KPNA1: variants seen among roughly 807,000 people sequenced by gnomAD.
KPNA1 encodes karyopherin subunit alpha 1.
A neutral mutation model predicts 70.5 loss-of-function variants in KPNA1; 10 were observed. The observed-to-expected ratio is 0.14, with a 90% confidence interval of 0.09 to 0.24. KPNA1 has a LOEUF of 0.24. KPNA1 is among the 10% of genes least tolerant of loss of function. The pLI is 1.00. For synonymous variants in KPNA1, 192 were observed against 221.9 expected (o/e 0.87, Z 1.20); for missense variants, 397 against 637.9 (o/e 0.62, Z 4.07).
At chr3:122,481,642 G>A (rs1288437793) in intron 2 of KPNA1, among the ~76,000 whole-genome samples, 3 of 152,178 alleles carry the variant, frequency 2.0e-5, no homozygotes, top group Non-Finnish European at 2.9e-5. Context: ...AAAAACCACT[G>A]AATTACACAC....
chr3:122,479,873 TAGG>T (rs1478338060), intron 2 of KPNA1, among the ~76,000 whole-genome samples: 1 of 152,164 alleles, frequency 6.6e-6, no homozygotes, highest in African/African-American at 2.4e-5. Flanking sequence ...CAAATGTATA[TAGG>T]AGTTTTATCC....
rs2076782310 is a variant in KPNA1 at position 122,497,898 on chromosome 3, T to G, written c.-5-1328A>C. Among the ~76,000 whole-genome samples the G allele has an allele frequency of 2.0e-5, 3 of 152,220 alleles. No homozygotes were observed. In the South Asian group the frequency reaches 6.2e-4, roughly 32 times the overall value. On this transcript the variant is annotated intron_variant, in intron 1 of 13. Coordinates refer to ENST00000344337, the MANE Select transcript of KPNA1 (RefSeq NM_002264.4). ...TTGGTGTCCTTTAAAACACAGAAGT[T>G]TTAATTTTGATGAAGTCCAAATTAA...
intron 2 of KPNA1, among the ~76,000 whole-genome samples, chr3:122,492,402 T>C (rs1372615817): frequency 6.6e-6 from 1 of 152,178 alleles, no homozygotes; most frequent in Non-Finnish European, 1.5e-5. Flanking sequence ...GTATCTGCAC[T>C]GTCCTACAGA....
At position 122,496,346 on chromosome 3, in the gene KPNA1, A is replaced by ACACACACACACACC. The variant is rs1211586847; in HGVS notation, c.129+90_129+91insGGTGTGTGTGTGTG. 1.7e-5 allele frequency: 20 copies of ACACACACACACACC among 1,180,248 alleles called. No individual in the cohort carries two copies. The African/African-American group carries it at 2.9e-4, about 17-fold the overall frequency. The allele number at this position is 1,180,248 out of a possible 1,614,324, so 73.1% of individuals were successfully genotyped here. A position where few individuals can be genotyped will look rare whatever the true frequency, so the allele number is the denominator to read the frequency against. ...CACACACACACACACACACACACAC[A>ACACACACACACACC]CACCCCAACTTTGCTAAAATGAAGA... On this transcript the variant is annotated intron_variant, in intron 2 of 13. Transcript: ENST00000344337.
intron 13 of KPNA1, 118 bp downstream of exon 13, chr3:122,427,420 A>G (rs2075836842): frequency 1.9e-6 from 2 of 1,059,422 alleles, no homozygotes; most frequent in Admixed American, 2.5e-5. Context: ...AGAAGCAGCA[A>G]TTTCCTAACA....
rs1027136161 is a variant in KPNA1 at position 122,457,987 on chromosome 3, G to C, written c.432+3237C>G. ...TCAATGAAGATGGGAAAAGACACAG[G>C]AGGATGAAGGCTTACTGCAGTTTAT... is the stretch of plus-strand genomic sequence containing the variant. On this transcript the variant is annotated intron_variant, in intron 5 of 13. Transcript: ENST00000344337. 6 of 654,868 alleles carry C rather than the reference G, an allele frequency of 9.2e-6. No individual in the cohort carries two copies. The South Asian group carries it at 1.2e-4, about 13-fold the overall frequency. The allele number at this position is 654,868 out of a possible 1,614,324, so 40.6% of individuals were successfully genotyped here. A position where few individuals can be genotyped will look rare whatever the true frequency, so the allele number is the denominator to read the frequency against.
intron 1 of KPNA1, among the ~76,000 whole-genome samples, chr3:122,497,247 T>C (rs1237636603): frequency 6.6e-6 from 1 of 152,234 alleles, no homozygotes; most frequent in African/African-American, 2.4e-5. Flanking sequence ...ATCCATGTTG[T>C]AGCATATATC....
chr3:122,429,593 T>C (rs568489323), intron 12 of KPNA1, among the ~76,000 whole-genome samples: 14 of 151,796 alleles, frequency 9.2e-5, no homozygotes, highest in Admixed American at 7.2e-4. Flanking sequence ...TCCATGCTCA[T>C]GGACAAGACT....
At chr3:122,511,637 CAA>C (rs1037003000) in intron 1 of KPNA1, among the ~76,000 whole-genome samples, 25 of 152,240 alleles carry the variant, frequency 1.6e-4, no homozygotes, top group Admixed American at 1.0e-3. Context: ...CTTACTGCAG[CAA>C]AAGACAGAAA....
chr3:122,490,828 TACTTA>T (rs1161858071), intron 2 of KPNA1, among the ~76,000 whole-genome samples: 5 of 152,290 alleles, frequency 3.3e-5, no homozygotes, highest in Admixed American at 2.0e-4. Flanking sequence ...AATTCAAACT[TACTTA>T]ACTTCTTTAA....
chr3:122,514,918 G>A lies in KPNA1; in HGVS notation c.-167C>T, dbSNP rs371696635. 6.6e-6 allele frequency: 1 copy of A among 152,280 alleles called. No individual in the cohort carries two copies. Among genetic ancestry groups the A allele is most frequent in the Non-Finnish European group, 1.5e-5 (1 of 68,070 alleles). The allele number at this position is 152,280 out of a possible 1,614,324, so 9.4% of individuals were successfully genotyped here. The stretch of plus-strand genomic sequence containing the variant: ...GCCTCGCACCGAGCAGCGAGACTCA[G>A]CTCAGCCGGCGTTCGCAGTGCGCCT... On this transcript the variant is annotated 5_prime_UTR_variant, in exon 1 of 14. Transcript: ENST00000344337.
intron 5 of KPNA1, among the ~76,000 whole-genome samples, chr3:122,455,554 TTTC>T (rs1031351731): frequency 6.6e-6 from 1 of 152,080 alleles, no homozygotes; most frequent in African/African-American, 2.4e-5. Context: ...TACTTTATAT[TTTC>T]TTTTTTTTCT....
At chr3:122,461,718 T>A (rs1026182095) in intron 4 of KPNA1, among the ~76,000 whole-genome samples, 1 of 152,210 alleles carries the variant, frequency 6.6e-6, no homozygotes, top group Non-Finnish European at 1.5e-5. Flanking sequence ...TCTTAAGGAA[T>A]TGCATTACAA....
chr3:122,445,615 A>G (rs1330249832), intron 9 of KPNA1, among the ~76,000 whole-genome samples: 1 of 152,234 alleles, frequency 6.6e-6, no homozygotes, highest in East Asian at 1.9e-4. Flanking sequence ...GCATCAGTTA[A>G]CGGGCAAATT....
intron 6 of KPNA1, 132 bp from the exon 7 acceptor site, chr3:122,452,196 A>G (rs1326844948): frequency 2.7e-6 from 2 of 739,000 alleles, no homozygotes. Flanking sequence ...GGGGAGGAAG[A>G]TAAATAATAT....
chr3:122,470,193 A>C (rs756738063), intron 2 of KPNA1, among the ~76,000 whole-genome samples: 3 of 152,334 alleles, frequency 2.0e-5, no homozygotes, highest in Non-Finnish European at 4.4e-5. Flanking sequence ...GTGTATATAC[A>C]TAAGATTACA....
At chr3:122,466,470 CAT>C (rs200338325) in intron 3 of KPNA1, among the ~76,000 whole-genome samples, 14 of 150,816 alleles carry the variant, frequency 9.3e-5, no homozygotes, top group East Asian at 3.9e-4. Context: ...TGTGTGTACA[CAT>C]ATATATATAT....
Position 122,424,904 on chromosome 3 carries a change from A to G in KPNA1, c.*2081T>C, listed in dbSNP as rs556046913. 2 of 152,810 alleles carry G rather than the reference A, an allele frequency of 1.3e-5. No homozygotes were observed. Among genetic ancestry groups the G allele is most frequent in the South Asian group, 4.1e-4 (2 of 4,828 alleles). 9.5% of individuals were successfully genotyped at this position (152,810 alleles called of 1,614,324 possible). On this transcript the variant is annotated 3_prime_UTR_variant, in exon 14 of 14. Transcript: ENST00000344337. ...AAGAAGTTATATTTTAATGTGATGT[A>G]AAGGCAACATTGAAATTTCTTCTTT...
chr3:122,460,130 C>A, intron 5 of KPNA1: 4 of 985,144 alleles, frequency 4.1e-6, no homozygotes, highest in Middle Eastern at 5.2e-4. Flanking sequence ...TCTCAGGGCC[C>A]AAGCCTTTGA....
Sources: allele counts gnomAD v4.1 joint callset (sites outside exome capture counted in the v4.1 genomes callset), GRCh38; gene constraint gnomAD v4.1.1; transcripts MANE v1.5; gene names NCBI Gene and HGNC (gene_info 2026-07-23, HGNC 2026-07-21).